The following SLC4A7 variants were observed in gnomAD, a reference collection of about 807,000 sequenced individuals.
SLC4A7 encodes solute carrier family 4 member 7.
In SLC4A7, 51 loss-of-function variants were observed where a neutral mutation model predicts 137.6. That is an observed-to-expected ratio of 0.37 (90% CI 0.30 to 0.47). The LOEUF (loss-of-function observed/expected upper bound fraction) is 0.47. Ranked by LOEUF, SLC4A7 falls within the 20% of genes least tolerant of loss-of-function variation. SLC4A7 has a pLI of 1.00. For missense variants in SLC4A7, 1,247 were observed against 1,525.4 expected, an observed-to-expected ratio of 0.82 and a Z score of 3.04; for synonymous variants, 542 against 518.6, an observed-to-expected ratio of 1.05 and a Z score of -0.61.
Position 27,376,820 on chromosome 3 carries a change from T to C in SLC4A7, c.3724A>G (p.Ile1242Val), listed in dbSNP as rs1344646085. ...MSPDKPVSVK[I>V]SFEDEPRKKY... ...TTTCTTGGTTCATCTTCAAAACTTA[T>C]TTTCACACTCACAGGTTTATCAGGA... Residue 1242 changes from isoleucine (I) to valine (V), a missense_variant, in exon 26 of 26, where the codon ATA becomes GTA. Coordinates refer to ENST00000454389, the MANE Select transcript of SLC4A7 (RefSeq NM_001321103.2). 6.3e-7 allele frequency: 1 copy of C among 1,593,710 alleles called. No individual in the cohort carries two copies. Among genetic ancestry groups the C allele is most frequent in the South Asian group, 1.1e-5 (1 of 89,014 alleles).
Position 27,376,589 on chromosome 3 carries a change from C to T in SLC4A7, c.*175G>A. On this transcript the variant is annotated 3_prime_UTR_variant, in exon 26 of 26. Coordinates refer to ENST00000454389, the MANE Select transcript of SLC4A7 (RefSeq NM_001321103.2). ...ACCATGTACCTCACTTCAAAGAGAG[C>T]ATTTCATTAAATACATAGTCTCCAC... is the stretch of plus-strand genomic sequence containing the variant. 2.5e-6 allele frequency: 1 copy of T among 396,972 alleles called. No individual in the cohort carries two copies. Among genetic ancestry groups the T allele is most frequent in the Non-Finnish European group, 4.5e-6 (1 of 220,910 alleles). The allele number at this position is 396,972 out of a possible 1,614,324, so 24.6% of individuals were successfully genotyped here.
chr3:27,467,183 G>A (rs1216453333), intron 1 of SLC4A7, among the ~76,000 whole-genome samples: 1 of 152,056 alleles, frequency 6.6e-6, no homozygotes, highest in Non-Finnish European at 1.5e-5. Flanking sequence ...ACTTTTCACT[G>A]GGCCACTTAC....
chr3:27,417,131 C>T (rs7610114), intron 11 of SLC4A7, among the ~76,000 whole-genome samples: 142,154 of 152,224 alleles, frequency 0.93, 66,451 homozygotes, highest in East Asian at 1. Context: ...AATTGGTCCA[C>T]GAATAGACAG....
chr3:27,472,897 C>T (rs532541525), intron 1 of SLC4A7, among the ~76,000 whole-genome samples: 5 of 152,032 alleles, frequency 3.3e-5, no homozygotes, highest in African/African-American at 1.2e-4. Flanking sequence ...CTGGCCAACA[C>T]GGTGAAACCT....
At chr3:27,423,875 T>C (rs2055260736) in intron 8 of SLC4A7, 162 bp downstream of exon 8, 1 of 553,156 alleles carries the variant, frequency 1.8e-6, no homozygotes, top group African/African-American at 1.9e-5. Flanking sequence ...CTTCTCACAG[T>C]TTTTACCTTA....
intron 1 of SLC4A7, among the ~76,000 whole-genome samples, chr3:27,475,005 G>A (rs1010864891): frequency 1.3e-5 from 2 of 152,108 alleles, no homozygotes; most frequent in Admixed American, 6.6e-5. Context: ...AGCTACTTGG[G>A]AGGCCAAGGC....
Position 27,373,160 on chromosome 3 carries a change from C to T in SLC4A7, c.*3604G>A, listed in dbSNP as rs1427616919. On this transcript the variant is annotated 3_prime_UTR_variant, in exon 26 of 26. Transcript: ENST00000454389. ...CAAAAATCTGATTAAAAAAACAAAACAAAACTGGGGTTTAACAATTAAGTC... is the reference window on the plus strand; with the variant it reads ...CAAAAATCTGATTAAAAAAACAAAATAAAACTGGGGTTTAACAATTAAGTC... 1 of 147,946 alleles carries T rather than the reference C, an allele frequency of 6.8e-6. No homozygotes were observed. The highest frequency in any genetic ancestry group is 2.0e-4 in the East Asian group (1 of 4,984). The allele number at this position is 147,946 out of a possible 1,614,324, so 9.2% of individuals were successfully genotyped here. A position where few individuals can be genotyped will look rare whatever the true frequency, so the allele number is the denominator to read the frequency against.
At chr3:27,429,458 G>A (rs1463623554) in intron 7 of SLC4A7, among the ~76,000 whole-genome samples, 4 of 151,992 alleles carry the variant, frequency 2.6e-5, no homozygotes, top group African/African-American at 7.3e-5. Flanking sequence ...ACATAAATCC[G>A]AGTCTGTATA....
intron 1 of SLC4A7, among the ~76,000 whole-genome samples, chr3:27,478,155 T>A (rs1295440460): frequency 6.6e-6 from 1 of 150,592 alleles, no homozygotes; most frequent in Non-Finnish European, 1.5e-5. Flanking sequence ...GTGAACAGAA[T>A]CAGAACCAAA....
At chr3:27,425,257 C>T (rs952973116) in intron 7 of SLC4A7, among the ~76,000 whole-genome samples, 24 of 150,564 alleles carry the variant, frequency 1.6e-4, no homozygotes, top group Non-Finnish European at 3.1e-4. Flanking sequence ...GTAGTCCCAG[C>T]TATTTGGGAG....
chr3:27,482,680 G>C (rs962747756), intron 1 of SLC4A7, among the ~76,000 whole-genome samples: 8 of 152,106 alleles, frequency 5.3e-5, no homozygotes, highest in African/African-American at 1.7e-4. Context: ...GCTGAGGCGG[G>C]AGAATCGGTT....
intron 22 of SLC4A7, among the ~76,000 whole-genome samples, chr3:27,386,724 A>C (rs1036435819): frequency 1.3e-5 from 2 of 152,188 alleles, no homozygotes; most frequent in Non-Finnish European, 2.9e-5. Flanking sequence ...TTTAATTATC[A>C]CGTCAAATAT....
Position 27,373,684 on chromosome 3 carries a change from C to A in SLC4A7, c.*3080G>T, listed in dbSNP as rs1305753372. ...GTTTCAGAAAGCATTTTTCTTTCAA[C>A]AGAATTTTGAACCTGCCTTTGTGAA... On this transcript the variant is annotated 3_prime_UTR_variant, in exon 26 of 26. Coordinates refer to ENST00000454389, the MANE Select transcript of SLC4A7 (RefSeq NM_001321103.2). 6.6e-6 allele frequency: 1 copy of A among 152,038 alleles called. No individual in the cohort carries two copies. The highest frequency in any genetic ancestry group is 2.4e-5 in the African/African-American group (1 of 41,390). The allele number at this position is 152,038 out of a possible 1,614,324, so 9.4% of individuals were successfully genotyped here.
chr3:27,474,877 T>A lies in SLC4A7; in HGVS notation c.60+9190A>T, dbSNP rs1443632960. ...TGGCTCACACATATAATCCCAGAAC[T>A]TTGCCAGATCACTTGAGGTCAGGAG... On this transcript the variant is annotated intron_variant, in intron 1 of 25. Coordinates refer to ENST00000454389, the MANE Select transcript of SLC4A7 (RefSeq NM_001321103.2). Among the ~76,000 whole-genome samples the A allele has an allele frequency of 3.3e-5, 5 of 151,020 alleles. No individual in the cohort carries two copies. The East Asian group carries it at 1.0e-3, about 30-fold the overall frequency.
chr3:27,480,125 G>T (rs995224586), intron 1 of SLC4A7, among the ~76,000 whole-genome samples: 2 of 152,190 alleles, frequency 1.3e-5, no homozygotes, highest in Non-Finnish European at 2.9e-5. Context: ...CAAATAACAA[G>T]AGTCTAATGT....
intron 16 of SLC4A7, among the ~76,000 whole-genome samples, chr3:27,400,556 T>G (rs2052642731): frequency 6.6e-6 from 1 of 152,306 alleles, no homozygotes; most frequent in South Asian, 2.1e-4. Flanking sequence ...CACCTTTATC[T>G]CTCGTGCCAG....
At chr3:27,403,472 C>A in intron 14 of SLC4A7, 88 bp from the exon 15 acceptor site, 1 of 758,910 alleles carries the variant, frequency 1.3e-6, no homozygotes, top group East Asian at 2.5e-5. Flanking sequence ...ATGGGAACAG[C>A]AAGAAAACAC....
intron 23 of SLC4A7, 124 bp from the exon 24 acceptor site, chr3:27,383,374 C>A (rs1024267516): frequency 2.9e-6 from 2 of 696,000 alleles, no homozygotes; most frequent in Non-Finnish European, 4.9e-6. Flanking sequence ...ACTGCCATTA[C>A]TGAAAAATTT....
intron 1 of SLC4A7, among the ~76,000 whole-genome samples, chr3:27,460,951 T>C (rs947148301): frequency 1.3e-5 from 2 of 152,068 alleles, no homozygotes; most frequent in African/African-American, 4.8e-5. Flanking sequence ...CTTTACAACA[T>C]GACTCAAGTA....
Sources: gnomAD v4.1 joint callset for allele counts (sites outside exome capture counted in the v4.1 genomes callset) on GRCh38, gnomAD v4.1.1 for gene constraint, MANE v1.5 for transcripts, NCBI Gene and HGNC (gene_info 2026-07-23, HGNC 2026-07-21) for gene names.